Variants in ITFG1 observed in about 807,000 individuals in gnomAD.
ITFG1 encodes the protein T-cell immunomodulatory protein.
A neutral mutation model predicts 81.8 loss-of-function variants in ITFG1; 34 were observed. The ratio of observed to expected loss-of-function variants is 0.42; its 90% CI spans 0.32 to 0.55. The LOEUF is 0.55. Ranked by LOEUF, ITFG1 falls within the 20% of genes least tolerant of loss-of-function variation. The probability of loss-of-function intolerance (pLI) is 0.17; values close to 1 mark genes in which losing one functional copy is unlikely to be tolerated. For synonymous variants in ITFG1, 285 were observed against 270.6 expected (o/e 1.05, Z -0.52); for missense variants, 672 against 755.4 (o/e 0.89, Z 1.29).
At chr16:47,375,527 C>A (rs1968312827) in intron 7 of ITFG1, among the ~76,000 whole-genome samples, 1 of 152,000 alleles carries the variant, frequency 6.6e-6, no homozygotes, top group South Asian at 2.1e-4. Context: ...AAAAATTGGT[C>A]TTTTTAAAAT....
intron 5 of ITFG1, chr16:47,449,117 T>C (rs1596991794): frequency 6.6e-6 from 1 of 152,338 alleles, no homozygotes; most frequent in East Asian, 1.9e-4. Flanking sequence ...AGCCAGGTTA[T>C]AGCAAGGGCT....
At chr16:47,405,971 C>T (rs1968723489) in intron 6 of ITFG1, among the ~76,000 whole-genome samples, 2 of 152,068 alleles carry the variant, frequency 1.3e-5, no homozygotes, top group African/African-American at 2.4e-5. Context: ...AGTGTTTAGT[C>T]CAGGAATATA....
intron 14 of ITFG1, among the ~76,000 whole-genome samples, chr16:47,209,367 C>G (rs1225460951): frequency 6.6e-6 from 1 of 152,124 alleles, no homozygotes; most frequent in South Asian, 2.1e-4. Flanking sequence ...AGCAAAGAAG[C>G]ATAACATACT....
chr16:47,313,780 A>G lies in ITFG1; in HGVS notation c.846T>C (p.Asp282=), dbSNP rs1344908575. Residue 282 remains aspartate (D), a synonymous_variant, in exon 9 of 18, where the codon GAT becomes GAC. Coordinates refer to ENST00000320640, the MANE Select transcript of ITFG1 (RefSeq NM_030790.5). The stretch of plus-strand genomic sequence containing the variant: ...AGATGGTACTCTTTTGGCAATTTTT[A>G]TCTTCACAGCCTGGCAGTAAATGAT... ...HMDHLLPGCE[D]KNCQKSTIYL... The G allele has an allele frequency of 6.2e-7, 1 of 1,609,726 alleles. No homozygotes were observed. The highest frequency in any genetic ancestry group is 1.7e-5 in the Admixed American group (1 of 59,566).
At chr16:47,268,584 C>T (rs927695271) in intron 10 of ITFG1, among the ~76,000 whole-genome samples, 17 of 152,148 alleles carry the variant, frequency 1.1e-4, no homozygotes, top group African/African-American at 2.9e-4. Flanking sequence ...AGGATAGATG[C>T]GGTGTTTTAA....
chr16:47,381,908 G>C (rs892434077), intron 6 of ITFG1, among the ~76,000 whole-genome samples: 1 of 152,078 alleles, frequency 6.6e-6, no homozygotes, highest in Non-Finnish European at 1.5e-5. Context: ...AGAAGGCCTG[G>C]TACAAACAAG....
At chr16:47,435,757 A>G (rs1187152097) in intron 5 of ITFG1, among the ~76,000 whole-genome samples, 1 of 152,212 alleles carries the variant, frequency 6.6e-6, no homozygotes, top group Non-Finnish European at 1.5e-5. Context: ...CGGTCTTCAA[A>G]CATCTTTGCC....
chr16:47,458,541 A>G (rs529880487), intron 2 of ITFG1, among the ~76,000 whole-genome samples: 23 of 152,338 alleles, frequency 1.5e-4, no homozygotes, highest in African/African-American at 5.1e-4. Context: ...GGTCACTATC[A>G]TGGAGGTAGA....
chr16:47,350,744 G>T (rs935153085), intron 8 of ITFG1, among the ~76,000 whole-genome samples: 1 of 152,012 alleles, frequency 6.6e-6, no homozygotes, highest in Non-Finnish European at 1.5e-5. Context: ...CACCAAAGCC[G>T]GGCAGAGCCA....
At chr16:47,419,525 G>A (rs571876427) in intron 6 of ITFG1, among the ~76,000 whole-genome samples, 24 of 151,586 alleles carry the variant, frequency 1.6e-4, no homozygotes, top group African/African-American at 5.8e-4. Context: ...ACCCAACTTG[G>A]ACTCTCAAAC....
chr16:47,458,787 G>C (rs551809177), intron 2 of ITFG1, among the ~76,000 whole-genome samples: 1 of 152,046 alleles, frequency 6.6e-6, no homozygotes, highest in South Asian at 2.1e-4. Flanking sequence ...ACTACTGTGA[G>C]TGACTGCTGC....
intron 14 of ITFG1, among the ~76,000 whole-genome samples, chr16:47,174,633 G>C (rs779384282): frequency 2.0e-5 from 3 of 152,114 alleles, no homozygotes; most frequent in Non-Finnish European, 4.4e-5. Flanking sequence ...CAATTCTCCT[G>C]CCTCAGCCTC....
chr16:47,421,406 G>C, intron 6 of ITFG1, among the ~76,000 whole-genome samples: 1 of 151,940 alleles, frequency 6.6e-6, no homozygotes, highest in East Asian at 1.9e-4. Context: ...CCAGGTTCAA[G>C]CGATTCTCCT....
chr16:47,180,946 C>T (rs951272036), intron 14 of ITFG1, among the ~76,000 whole-genome samples: 1 of 151,642 alleles, frequency 6.6e-6, no homozygotes, highest in African/African-American at 2.4e-5. Context: ...AGGAGCGTCT[C>T]TGCCCGGCCG....
At chr16:47,269,715 T>C (rs1468240390) in intron 10 of ITFG1, among the ~76,000 whole-genome samples, 1 of 152,200 alleles carries the variant, frequency 6.6e-6, no homozygotes, top group Non-Finnish European at 1.5e-5. Flanking sequence ...AATTGACCTA[T>C]AGTTTCATTG....
chr16:47,389,634 T>C (rs771099343), intron 6 of ITFG1, among the ~76,000 whole-genome samples: 30 of 152,224 alleles, frequency 2.0e-4, no homozygotes, highest in Non-Finnish European at 1.5e-5. Context: ...GTAACATATA[T>C]AGATGTAATA....
At chr16:47,416,214 AAAAT>A (rs963778257) in intron 6 of ITFG1, among the ~76,000 whole-genome samples, 80 of 152,340 alleles carry the variant, frequency 5.3e-4, no homozygotes, top group African/African-American at 1.9e-3. Flanking sequence ...CAGAGCAATA[AAAAT>A]AAAATAAAAA....
intron 14 of ITFG1, among the ~76,000 whole-genome samples, chr16:47,214,005 T>C (rs1965596340): frequency 6.6e-6 from 1 of 152,220 alleles, no homozygotes; most frequent in African/African-American, 2.4e-5. Context: ...GGACTTGTGA[T>C]TGGCATCCAA....
At chr16:47,254,833 G>C (rs1966121433) in intron 12 of ITFG1, among the ~76,000 whole-genome samples, 1 of 152,134 alleles carries the variant, frequency 6.6e-6, no homozygotes, top group Non-Finnish European at 1.5e-5. Context: ...TAATAAATCT[G>C]TCTTTTTTTT....
Sources: gnomAD v4.1 joint callset for allele counts (sites outside exome capture counted in the v4.1 genomes callset) on GRCh38, gnomAD v4.1.1 for gene constraint, MANE v1.5 for transcripts, NCBI Gene and HGNC (gene_info 2026-07-23, HGNC 2026-07-21) for gene names.